ZNF500: variants seen among roughly 807,000 people sequenced by gnomAD.
ZNF500 encodes the protein zinc finger protein with KRAB and SCAN domains 18.
A neutral mutation model predicts 30.1 loss-of-function variants in ZNF500; 31 were observed. The observed-to-expected ratio is 1.03, with a 90% CI of 0.77 to 1.39. The LOEUF is 1.39. ZNF500 is among the 40% of genes most tolerant of loss of function. The pLI, the probability that ZNF500 is intolerant of heterozygous loss-of-function variation, is 0.00. For synonymous variants in ZNF500, 392 were observed against 282.0 expected (o/e 1.39, Z -3.91); for missense variants, 817 against 657.8 (o/e 1.24, Z -2.65).
downstream of ZNF500, chr16:4,746,649 G>A (rs2082021032): frequency 2.4e-6 from 3 of 1,232,816 alleles, no homozygotes; most frequent in Non-Finnish European, 3.3e-6. Flanking sequence ...ATTGAAAAGT[G>A]CTGGCCTACA....
At position 4,751,794 on chromosome 16, in the gene ZNF500, G is replaced by A; in HGVS notation, c.*582C>T. The A allele has an allele frequency of 1.4e-6, 1 of 717,200 alleles. No individual in the cohort carries two copies. The highest frequency in any genetic ancestry group is 2.3e-6 in the Non-Finnish European group (1 of 426,594). The allele number at this position is 717,200 out of a possible 1,614,324, so 44.4% of individuals were successfully genotyped here. On this transcript the variant is annotated 3_prime_UTR_variant, in exon 6 of 6. Transcript: ENST00000219478. ...ATGGCGGCACACACCTGTAACCCCA[G>A]CTACTCAGGAGGATGAGGCAGGAGG... is the stretch of plus-strand genomic sequence containing the variant.
intron 5 of ZNF500, among the ~76,000 whole-genome samples, chr16:4,759,565 C>G (rs924987835): frequency 3.9e-5 from 6 of 152,176 alleles, no homozygotes; most frequent in African/African-American, 1.4e-4. Context: ...AAATCCTAAG[C>G]TTCCAGTCTG....
At position 4,765,948 on chromosome 16, in the gene ZNF500, G is replaced by T. The variant is rs1197456416; in HGVS notation, c.31C>A (p.Pro11Thr). MATVPGLQPL[P>T]TLEQDLEQEE... ...TGTTCCAGGTCCTGCTCCAAGGTTG[G>T]CAGGGGCTGGAGGCCAGGGACAGTG... Residue 11 changes from proline (P) to threonine (T), a missense_variant, in exon 2 of 6, where the codon CCA becomes ACA. Coordinates refer to ENST00000219478, the MANE Select transcript of ZNF500 (RefSeq NM_021646.4). 2 of 1,589,946 alleles carry T rather than the reference G, an allele frequency of 1.3e-6. No individual in the cohort carries two copies. The highest frequency in any genetic ancestry group is 1.7e-6 in the Non-Finnish European group (2 of 1,169,428).
downstream of ZNF500, among the ~76,000 whole-genome samples, chr16:4,747,902 CAGG>C (rs2082038380): frequency 6.6e-6 from 1 of 152,174 alleles, no homozygotes; most frequent in South Asian, 2.1e-4. Flanking sequence ...GCAGGGACAG[CAGG>C]AGGACGGGGT....
rs138190488 is a variant in ZNF500, at chr16:4,765,844, G to A, written c.135C>T (p.Ser45=). Residue 45 remains serine, a synonymous_variant, in exon 2 of 6, where the codon AGC becomes AGT. Transcript: ENST00000219478. ...EEPSVETEDP[S]PETFRQLFRL... is the part of the protein sequence containing the mutation. ...GGAAGAGCTGGCGGAAAGTCTCAGG[G>A]CTGGGGTCCTCCGTCTCCACGGAGG... 7 of 1,613,648 alleles carry A rather than the reference G, an allele frequency of 4.3e-6. No individual in the cohort carries two copies. In the African/African-American group the frequency reaches 8.0e-5, roughly 18 times the overall value.
intron 2 of ZNF500, 49 bp from the exon 3 acceptor site, chr16:4,762,805 A>G (rs755809436): frequency 6.4e-5 from 98 of 1,534,214 alleles, no homozygotes; most frequent in Non-Finnish European, 8.2e-5. Context: ...GGCCAGAAGG[A>G]AAAATCCCCG....
At chr16:4,753,694 G>A (rs953695094) in intron 5 of ZNF500, among the ~76,000 whole-genome samples, 1 of 152,228 alleles carries the variant, frequency 6.6e-6, no homozygotes, top group Non-Finnish European at 1.5e-5. Context: ...GGCAAGGTCT[G>A]GAGACATTTT....
At chr16:4,747,669 G>A (rs766937674), downstream of ZNF500, 6 of 1,560,056 alleles carry the variant, frequency 3.8e-6, no homozygotes, top group African/African-American at 1.4e-5. Context: ...GGGGCGGGCT[G>A]ACTTGCCATG....
Position 4,752,197 on chromosome 16 carries a change from G to A in ZNF500, c.*179C>T, listed in dbSNP as rs554395971. The A allele has an allele frequency of 4.2e-5, 60 of 1,418,594 alleles. No homozygotes were observed. The African/African-American group carries it at 7.9e-4, about 19-fold the overall frequency. 87.9% of individuals were successfully genotyped at this position (1,418,594 alleles called of 1,614,324 possible). A position where few individuals can be genotyped will look rare whatever the true frequency, so the allele number is the denominator to read the frequency against. On this transcript the variant is annotated 3_prime_UTR_variant, in exon 6 of 6. Transcript: ENST00000219478. ...CAGAGCCTGTCCTTGCCCTTGTTCT[G>A]CACCCAGTGCCCAGCTTCCTCTGCG...
intron 1 of ZNF500, among the ~76,000 whole-genome samples, chr16:4,766,283 GCAAA>G (rs2082264791): frequency 6.6e-6 from 1 of 152,112 alleles, no homozygotes; most frequent in Admixed American, 6.5e-5. Flanking sequence ...TCCTCACTGG[GCAAA>G]CAGAGATGAT....
At position 4,748,305 on chromosome 16, in the gene ZNF500, C is replaced by A. The variant is rs1235228091; in HGVS notation, c.*4071G>T. The A allele has an allele frequency of 6.6e-6, 1 of 150,890 alleles. No homozygotes were observed. The highest frequency in any genetic ancestry group is 2.4e-5 in the African/African-American group (1 of 40,946). 9.3% of individuals were successfully genotyped at this position (150,890 alleles called of 1,614,324 possible). On this transcript the variant is annotated 3_prime_UTR_variant, in exon 6 of 6. Transcript: ENST00000219478. ...ACTCCTCTCAATCCTCCTGCCTAGG[C>A]CTTCCACAGTGCTGGGATTATAGCA...
At chr16:4,744,747 G>A (rs2081991671), downstream of ZNF500, 12 of 1,243,484 alleles carry the variant, frequency 9.7e-6, no homozygotes, top group South Asian at 1.4e-4. Context: ...GCTGGGCGGG[G>A]GCAGTGGAGG....
chr16:4,745,824 A>T (rs1019984768), downstream of ZNF500, among the ~76,000 whole-genome samples: 1 of 152,026 alleles, frequency 6.6e-6, no homozygotes, highest in African/African-American at 2.4e-5. Flanking sequence ...ATGTTGGTGC[A>T]TGCCTGTAAT....
In ZNF500 at chr16:4,752,874, T is replaced by A. The variant is rs752810602; in HGVS notation, c.945A>T (p.Arg315Ser). The A allele has an allele frequency of 1.2e-6, 2 of 1,614,072 alleles. No individual in the cohort carries two copies. Among genetic ancestry groups the A allele is most frequent in the East Asian group, 4.5e-5 (2 of 44,868 alleles). ...GCTTGTCAGCCCCATGGGAAGCCCG[T>A]CTTCCTGGTGGGGGGCCGCCTCTTG... ...DQPRGGPPPG[R>S]RASHGADKPY... Residue 315 changes from arginine (R) to serine (S), a missense_variant, in exon 6 of 6, where the codon AGA (arginine) becomes AGT (serine). By Grantham distance (110) the Arg-to-Ser change is moderately radical (BLOSUM62 -1). Coordinates refer to ENST00000219478, the MANE Select transcript of ZNF500 (RefSeq NM_021646.4).
Position 4,752,499 on chromosome 16 carries a change from C to A in ZNF500, c.1320G>T (p.Pro440=), listed in dbSNP as rs139267686. The A allele has an allele frequency of 1.9e-6, 3 of 1,552,598 alleles. No individual in the cohort carries two copies. Among genetic ancestry groups the A allele is most frequent in the Non-Finnish European group, 2.6e-6 (3 of 1,153,944 alleles). Residue 440 remains proline, a synonymous_variant, in exon 6 of 6, where the codon CCG becomes CCT. Transcript: ENST00000219478. ...THTGEKPYTC[P]ACGRGFRRGT... ...CCCGGCGGAAGCCCCGGCCACAGGCCGGGCAGGTGTAGGGCTTCTCACCTG... is the reference window on the plus strand; with the variant it reads ...CCCGGCGGAAGCCCCGGCCACAGGCAGGGCAGGTGTAGGGCTTCTCACCTG...
intron 2 of ZNF500, chr16:4,763,548 G>A: frequency 1.0e-6 from 1 of 985,378 alleles, no homozygotes; most frequent in Non-Finnish European, 1.2e-6. Context: ...GACATCCCTA[G>A]GCAACTACAA....
downstream of ZNF500, chr16:4,747,379 C>CA (rs758119561): frequency 6.2e-7 from 1 of 1,607,590 alleles, no homozygotes; most frequent in Non-Finnish European, 8.5e-7. Flanking sequence ...TCCAGCAGCT[C>CA]AGGGCCTTTC....
rs993351143 is a variant in ZNF500 at position 4,762,292 on chromosome 16, G to A, written c.642C>T (p.Pro214=). ...PRHQEMASAS[P]FLSAWSQVPV... ...TCACCTGGGACCAGGCCGAAAGGAAGGGCGAGGCTGACGCCATCTCCTGAT... is the reference window on the plus strand; with the variant it reads ...TCACCTGGGACCAGGCCGAAAGGAAAGGCGAGGCTGACGCCATCTCCTGAT... The change falls in exon 4 of 6, where the codon CCC becomes CCT. Residue 214 remains proline (P), a synonymous_variant. Coordinates refer to ENST00000219478, the MANE Select transcript of ZNF500 (RefSeq NM_021646.4). 2 of 1,611,570 alleles carry A rather than the reference G, an allele frequency of 1.2e-6. No individual in the cohort carries two copies. Among genetic ancestry groups the A allele is most frequent in the Non-Finnish European group, 1.7e-6 (2 of 1,178,978 alleles).
chr16:4,763,842 G>T, intron 2 of ZNF500: 1 of 985,472 alleles, frequency 1.0e-6, no homozygotes, highest in Non-Finnish European at 1.2e-6. Flanking sequence ...TCACGCCGTG[G>T]TCAAGCATTA....
Sources: allele counts gnomAD v4.1 joint callset (sites outside exome capture counted in the v4.1 genomes callset), GRCh38; gene constraint gnomAD v4.1.1; transcripts MANE v1.5; gene names NCBI Gene and HGNC (gene_info 2026-07-23, HGNC 2026-07-21).